The following ROBO1 variants were observed in gnomAD, a reference collection of about 807,000 sequenced individuals.
ROBO1 encodes roundabout homolog 1.
ROBO1 carries 149 observed loss-of-function variants against 195.9 expected under a neutral mutation model. The observed-to-expected ratio is 0.76, with a 90% confidence interval of 0.67 to 0.87. The LOEUF (loss-of-function observed/expected upper bound fraction) is 0.87. Ranked by LOEUF, ROBO1 falls within the 40% of genes least tolerant of loss-of-function variation. The probability of loss-of-function intolerance (pLI) is 0.00; values close to 1 mark genes in which losing one functional copy is unlikely to be tolerated. For synonymous variants in ROBO1, 816 were observed against 733.2 expected (o/e 1.11, Z -1.82); for missense variants, 1,933 against 2,068.3 (o/e 0.93, Z 1.27).
At chr3:79,551,980 TAAAAAAAAAAAAA>T (rs771824432) in intron 2 of ROBO1, among the ~76,000 whole-genome samples, 4 of 44,264 alleles carry the variant, frequency 9.0e-5, no homozygotes, top group East Asian at 8.9e-4. Flanking sequence ...TCTACAGAGT[TAAAAAAAAAAAAA>T]AAAAAAAAAA....
chr3:79,033,648 CTT>C (rs538063745), intron 3 of ROBO1, among the ~76,000 whole-genome samples: 79 of 152,098 alleles, frequency 5.2e-4, no homozygotes, highest in Non-Finnish European at 8.2e-4. Flanking sequence ...AAGATACAGA[CTT>C]TATCATTAGG....
At chr3:79,316,079 C>T (rs948991474) in intron 2 of ROBO1, among the ~76,000 whole-genome samples, 2 of 152,046 alleles carry the variant, frequency 1.3e-5, no homozygotes, top group African/African-American at 4.8e-5. Flanking sequence ...TCAGAAGCAG[C>T]AATGTATAAA....
chr3:79,459,020 T>C (rs2039711344), intron 2 of ROBO1, among the ~76,000 whole-genome samples: 1 of 152,172 alleles, frequency 6.6e-6, no homozygotes, highest in Admixed American at 6.5e-5. Context: ...TGTATCCAAC[T>C]TTATGCTAAC....
chr3:79,740,236 AATAT>A (rs34984469), intron 1 of ROBO1, among the ~76,000 whole-genome samples: 21 of 143,642 alleles, frequency 1.5e-4, no homozygotes, highest in African/African-American at 2.0e-4. Context: ...TTTATATATA[AATAT>A]ATATATATAT....
At chr3:78,612,242 T>A (rs2107340861) in intron 28 of ROBO1, among the ~76,000 whole-genome samples, 1 of 152,198 alleles carries the variant, frequency 6.6e-6, no homozygotes, top group South Asian at 2.1e-4. Flanking sequence ...ATCAAACTCA[T>A]CCATCATAAT....
chr3:79,765,200 G>A (rs1407248572), intron 1 of ROBO1, among the ~76,000 whole-genome samples: 2 of 152,224 alleles, frequency 1.3e-5, no homozygotes, highest in African/African-American at 2.4e-5. Flanking sequence ...GAGGCATGGA[G>A]CAGGAAGATA....
Position 79,139,545 on chromosome 3 carries a change from C to T in ROBO1, c.89-14006G>A, listed in dbSNP as rs535942340. Among the ~76,000 whole-genome samples, 293 of 151,998 alleles carry T rather than the reference C, an allele frequency of 1.9e-3. 2 individuals are homozygous for T. Among genetic ancestry groups the T allele is most frequent in the African/African-American group, 6.2e-3 (259 of 41,456 alleles). On this transcript the variant is annotated intron_variant, in intron 2 of 30. Coordinates refer to ENST00000464233, the MANE Select transcript of ROBO1 (RefSeq NM_002941.4). Reference sequence around the variant, plus strand: ...GTCATAGAAATAATGTGATGACTACCCCTTTATAGAATTAAAAACTGAGCC... The same window carrying T: ...GTCATAGAAATAATGTGATGACTACTCCTTTATAGAATTAAAAACTGAGCC...
In ROBO1 at chr3:78,617,924, T is replaced by G. The variant is rs1704223295; in HGVS notation, c.3993A>C (p.Glu1331Asp). 6.2e-7 allele frequency: 1 copy of G among 1,614,020 alleles called. No individual in the cohort carries two copies. Among genetic ancestry groups the G allele is most frequent in the Non-Finnish European group, 8.5e-7 (1 of 1,179,890 alleles). Residue 1331 changes from glutamate (E) to aspartate (D), a missense_variant, in exon 27 of 31, where the codon GAA becomes GAC. Coordinates refer to ENST00000464233, the MANE Select transcript of ROBO1 (RefSeq NM_002941.4). The stretch of plus-strand genomic sequence containing the variant: ...TGGCTACCTCCATGTCGGCTTCGTC[T>G]TCTTCCTCTTCTGGCGCATCCGTAT... ...DMDTDAPEEEEDEADMEVAKM... is the reference protein window; with the variant it reads ...DMDTDAPEEEDDEADMEVAKM...
chr3:79,237,729 T>C (rs2082438715), intron 2 of ROBO1, among the ~76,000 whole-genome samples: 1 of 152,090 alleles, frequency 6.6e-6, no homozygotes, highest in African/African-American at 2.4e-5. Flanking sequence ...TCTATTGTTT[T>C]TGAGCAGTCT....
chr3:79,325,921 G>A (rs1452107643), intron 2 of ROBO1, among the ~76,000 whole-genome samples: 1 of 152,078 alleles, frequency 6.6e-6, no homozygotes, highest in South Asian at 2.1e-4. Context: ...GAGAAATATC[G>A]CTGAATTCTT....
chr3:79,148,812 T>C (rs1421473606), intron 2 of ROBO1, among the ~76,000 whole-genome samples: 1 of 151,946 alleles, frequency 6.6e-6, no homozygotes, highest in Non-Finnish European at 1.5e-5. Context: ...TATTGTCTAA[T>C]AAGAATGATC....
intron 2 of ROBO1, among the ~76,000 whole-genome samples, chr3:79,349,942 A>G (rs1045626057): frequency 6.6e-6 from 1 of 152,228 alleles, no homozygotes; most frequent in Non-Finnish European, 1.5e-5. Flanking sequence ...AGAAAAAAAC[A>G]GATAAATAGG....
chr3:78,991,990 G>A lies in ROBO1; in HGVS notation c.173-53063C>T, dbSNP rs535301325. ...ATGAATAGAGAACTAGCACATACTTGTAGAAATTAAAAGTATGACTACATT... is the reference window on the plus strand; with the variant it reads ...ATGAATAGAGAACTAGCACATACTTATAGAAATTAAAAGTATGACTACATT... On this transcript the variant is annotated intron_variant, in intron 3 of 30. Transcript: ENST00000464233. Among the ~76,000 whole-genome samples the A allele has an allele frequency of 5.3e-5, 8 of 152,226 alleles. No homozygotes were observed. In the South Asian group the frequency reaches 1.7e-3, roughly 32 times the overall value.
chr3:78,714,469 T>A lies in ROBO1; in HGVS notation c.973A>T (p.Met325Leu). The A allele has an allele frequency of 6.2e-7, 1 of 1,613,078 alleles. No homozygotes were observed. Among genetic ancestry groups the A allele is most frequent in the Non-Finnish European group, 8.5e-7 (1 of 1,179,432 alleles). Residue 325 changes from methionine to leucine, a missense_variant, in exon 8 of 31, where the codon ATG becomes TTG. By Grantham distance (15) the Met-to-Leu change is conservative. This residue lies in a region of ROBO1 where 1,737 missense variants were observed against 1,882.5 expected (regional missense o/e 0.92). Transcript: ENST00000464233. ...TCTGCAACACAAGTGTATGAACCCA[T>A]GTCACCAGCTGTCACCTTCCTAATT... ...LKIRKVTAGD[M>L]GSYTCVAENM...
intron 3 of ROBO1, among the ~76,000 whole-genome samples, chr3:78,946,515 G>A (rs1334219209): frequency 7.9e-5 from 12 of 152,174 alleles, no homozygotes; most frequent in Non-Finnish European, 1.5e-5. Context: ...AAGAGCTCCT[G>A]AAGGAAGCAC....
In ROBO1 at chr3:79,073,386, T is replaced by C. The variant is rs74869580; in HGVS notation, c.172+52070A>G. On this transcript the variant is annotated intron_variant, in intron 3 of 30. Transcript: ENST00000464233. ...GACAGAAGGGTTGCTAAGACTAAGATCTGTGGGAGTGCTCTAAATGGATAT... is the reference window on the plus strand; with the variant it reads ...GACAGAAGGGTTGCTAAGACTAAGACCTGTGGGAGTGCTCTAAATGGATAT... Among the ~76,000 whole-genome samples the C allele has an allele frequency of 5.9e-5, 9 of 152,020 alleles. No individual in the cohort carries two copies. The East Asian group carries it at 1.8e-3, about 30-fold the overall frequency.
At chr3:79,500,423 C>G (rs776697006) in intron 2 of ROBO1, among the ~76,000 whole-genome samples, 1 of 152,226 alleles carries the variant, frequency 6.6e-6, no homozygotes, top group Non-Finnish European at 1.5e-5. Context: ...AGCCACCGGG[C>G]TTGGCCCCAG....
intron 4 of ROBO1, among the ~76,000 whole-genome samples, chr3:78,768,845 T>G (rs912144325): frequency 8.2e-6 from 1 of 121,894 alleles, no homozygotes; most frequent in African/African-American, 3.1e-5. Context: ...GAGTGTGATA[T>G]TCCCCTTCCT....
intron 2 of ROBO1, among the ~76,000 whole-genome samples, chr3:79,152,789 G>T (rs569621324): frequency 6.6e-6 from 1 of 151,618 alleles, no homozygotes; most frequent in African/African-American, 2.4e-5. Flanking sequence ...CATTTGGAGG[G>T]GTAGTGTCAG....
Sources: gnomAD v4.1 joint callset for allele counts (sites outside exome capture counted in the v4.1 genomes callset) on GRCh38, gnomAD v4.1.1 for gene constraint, gnomAD v4.1.1 regional missense constraint, MANE v1.5 for transcripts, NCBI Gene and HGNC (gene_info 2026-07-23, HGNC 2026-07-21) for gene names.